The following BANK1 variants were observed in gnomAD, a reference collection of about 807,000 sequenced individuals.
The protein encoded by BANK1 is B cell scaffold protein with ankyrin repeats 1, also known as B-cell scaffold protein with ankyrin repeats.
In BANK1, 95 loss-of-function variants were observed where a neutral mutation model predicts 94.5. The observed-to-expected ratio is 1.00, with a 90% CI of 0.85 to 1.19. The LOEUF (loss-of-function observed/expected upper bound fraction) is 1.19. BANK1 is among the 50% of genes most tolerant of loss of function. The probability of loss-of-function intolerance (pLI) is 0.00; values close to 1 mark genes in which losing one functional copy is unlikely to be tolerated. For missense variants in BANK1, 987 were observed against 932.2 expected (o/e 1.06, Z -0.77); for synonymous variants, 334 against 308.4 (o/e 1.08, Z -0.87).
chr4:101,946,950 A>G (rs1019498766), intron 7 of BANK1, among the ~76,000 whole-genome samples: 1 of 151,834 alleles, frequency 6.6e-6, no homozygotes, highest in African/African-American at 2.4e-5. Context: ...TTTTATGATG[A>G]ACTTAGTAGT....
chr4:101,826,730 A>T (rs1023212732), intron 1 of BANK1, among the ~76,000 whole-genome samples: 1 of 152,002 alleles, frequency 6.6e-6, no homozygotes. Flanking sequence ...CTTACGTGTG[A>T]TTCCCATATG....
chr4:101,987,363 A>T (rs1422277753), intron 7 of BANK1, among the ~76,000 whole-genome samples: 1 of 152,154 alleles, frequency 6.6e-6, no homozygotes, highest in Admixed American at 6.6e-5. Context: ...AAGTGAGGAA[A>T]CTGAGTCACA....
intron 7 of BANK1, among the ~76,000 whole-genome samples, chr4:102,013,685 A>T (rs971488767): frequency 6.6e-6 from 1 of 151,962 alleles, no homozygotes; most frequent in Admixed American, 6.6e-5. Context: ...AAGCTATGAA[A>T]AGGAGGAGGT....
chr4:101,854,926 C>T (rs6849308), intron 2 of BANK1, 109 bp from the exon 3 acceptor site: 45,174 of 754,326 alleles, frequency 0.06, 2,133 homozygotes, highest in African/African-American at 0.17. Context: ...AAACTCAGTT[C>T]GGTTTCCCGT....
chr4:101,885,844 C>T (rs1006283718), intron 5 of BANK1, among the ~76,000 whole-genome samples: 13 of 152,184 alleles, frequency 8.5e-5, no homozygotes, highest in Non-Finnish European at 1.5e-5. Flanking sequence ...AGGAGTATAG[C>T]CTGCTACACA....
chr4:101,879,093 G>C (rs565583646), intron 5 of BANK1, among the ~76,000 whole-genome samples: 93 of 151,926 alleles, frequency 6.1e-4, no homozygotes, highest in African/African-American at 2.2e-3. Flanking sequence ...TAGAAGAAAA[G>C]AAGTAATAAA....
intron 7 of BANK1, among the ~76,000 whole-genome samples, chr4:101,924,631 G>A (rs2148902747): frequency 6.6e-6 from 1 of 151,842 alleles, no homozygotes; most frequent in South Asian, 2.1e-4. Flanking sequence ...AAAGCAAGAT[G>A]AGTAAAATAT....
chr4:102,032,152 G>A (rs764568033), intron 10 of BANK1: 3 of 152,170 alleles, frequency 2.0e-5, no homozygotes, highest in Non-Finnish European at 2.9e-5. Flanking sequence ...AAAAGAGAAA[G>A]TGGATATAGC....
intron 7 of BANK1, among the ~76,000 whole-genome samples, chr4:101,976,689 A>G (rs1284143677): frequency 2.6e-5 from 4 of 152,170 alleles, no homozygotes; most frequent in Admixed American, 1.3e-4. Context: ...TCCTATGAAT[A>G]TCATAAAATT....
In BANK1 at chr4:102,025,296, CAG is replaced by C; in HGVS notation, c.1383_1384del (p.Asn462TrpfsTer16). On this transcript the variant is annotated frameshift_variant, in exon 9 of 17. Coordinates refer to ENST00000322953, the MANE Select transcript of BANK1 (RefSeq NM_017935.5). LOFTEE classifies it high-confidence loss of function. Reference protein sequence around the residue: ...EANEMEGEGKQNGSGMETKHS... With the variant: ...EANEMEGEGKXNGSGMETKHS... ...AAATGAAATGGAAGGGGAAGGAAAA[CAG>C]AATGGATCAGGCATGGAGACCAAAC... 6.2e-7 allele frequency: 1 copy of C among 1,613,982 alleles called. No homozygotes were observed. Among genetic ancestry groups the C allele is most frequent in the Non-Finnish European group, 8.5e-7 (1 of 1,179,972 alleles).
chr4:102,070,347 G>T (rs549492015), intron 13 of BANK1, among the ~76,000 whole-genome samples: 1 of 152,064 alleles, frequency 6.6e-6, no homozygotes, highest in African/African-American at 2.4e-5. Context: ...GTGAGCATGC[G>T]CAGTGTGTTC....
At chr4:102,007,353 C>A (rs1404499333) in intron 7 of BANK1, among the ~76,000 whole-genome samples, 2 of 150,728 alleles carry the variant, frequency 1.3e-5, no homozygotes, top group Non-Finnish European at 3.0e-5. Context: ...AGGAGTTATA[C>A]TGATTACAAA....
At chr4:102,006,643 A>G (rs1300326679) in intron 7 of BANK1, among the ~76,000 whole-genome samples, 1 of 152,008 alleles carries the variant, frequency 6.6e-6, no homozygotes, top group African/African-American at 2.4e-5. Context: ...TAAATGTGAA[A>G]TAGCTTTCTT....
intron 2 of BANK1, among the ~76,000 whole-genome samples, chr4:101,847,622 G>A (rs936769776): frequency 6.6e-6 from 1 of 151,984 alleles, no homozygotes; most frequent in African/African-American, 2.4e-5. Flanking sequence ...AACATACGAT[G>A]TTTGGTTTTC....
Position 101,962,057 on chromosome 4 carries a change from G to T in BANK1, c.1206+43868G>T, listed in dbSNP as rs565150407. Among the ~76,000 whole-genome samples the T allele has an allele frequency of 1.2e-3, 186 of 152,268 alleles. 1 individual carries two copies. Among genetic ancestry groups the T allele is most frequent in the African/African-American group, 4.0e-3 (165 of 41,562 alleles). ...TAGAAAGGTTACAAAGCAAGTTGGA[G>T]ATATAAATCAAATGTATAGTGGGGT... On this transcript the variant is annotated intron_variant, in intron 7 of 16. Transcript: ENST00000322953.
In BANK1 at chr4:102,025,503, T is replaced by G; in HGVS notation, c.1588T>G (p.Leu530Val). The G allele has an allele frequency of 6.2e-7, 1 of 1,609,610 alleles. No individual in the cohort carries two copies. The highest frequency in any genetic ancestry group is 8.5e-7 in the Non-Finnish European group (1 of 1,179,720). Residue 530 changes from leucine to valine, a missense_variant, in exon 9 of 17, where the codon TTA (leucine) becomes GTA (valine). By Grantham distance (32) the Leu-to-Val change is conservative (BLOSUM62 1). Coordinates refer to ENST00000322953, the MANE Select transcript of BANK1 (RefSeq NM_017935.5). ...CCAACTGGAAAGACCTCACTTCACC[T>G]TACCAGGTAAGTTTAAGGTTAGAAA... Reference protein sequence around the residue: ...AFQLERPHFTLPGTMVEGQME... With the variant: ...AFQLERPHFTVPGTMVEGQME...
intron 7 of BANK1, among the ~76,000 whole-genome samples, chr4:102,015,129 G>C (rs765386395): frequency 1.2e-4 from 18 of 152,028 alleles, no homozygotes; most frequent in Middle Eastern, 3.4e-3. Flanking sequence ...TATTGTTTAG[G>C]AGTGTCTGAT....
intron 13 of BANK1, among the ~76,000 whole-genome samples, chr4:102,067,704 CAG>C (rs1728639332): frequency 1.3e-5 from 2 of 151,838 alleles, no homozygotes; most frequent in South Asian, 2.1e-4. Flanking sequence ...TGACAGCACT[CAG>C]AGATGTTTTC....
At chr4:101,836,820 G>A (rs1726847527) in intron 2 of BANK1, among the ~76,000 whole-genome samples, 1 of 152,212 alleles carries the variant, frequency 6.6e-6, no homozygotes, top group East Asian at 1.9e-4. Context: ...AAGAAAGGGT[G>A]AATTATTATT....
Sources: allele counts gnomAD v4.1 joint callset (sites outside exome capture counted in the v4.1 genomes callset), GRCh38; gene constraint gnomAD v4.1.1; transcripts MANE v1.5; gene names NCBI Gene and HGNC (gene_info 2026-07-23, HGNC 2026-07-21).